The following POLR3G variants were observed in gnomAD, a reference collection of about 807,000 sequenced individuals.
POLR3G encodes RNA polymerase III subunit G.
In POLR3G, 28 loss-of-function variants were observed where a neutral mutation model predicts 30.1. The observed-to-expected ratio is 0.93, with a 90% CI of 0.69 to 1.27. The LOEUF is 1.27. POLR3G is among the 50% of genes most tolerant of loss of function. The probability of loss-of-function intolerance (pLI) is 0.00; values close to 1 mark genes in which losing one functional copy is unlikely to be tolerated. For missense variants in POLR3G, 254 were observed against 264.6 expected (o/e 0.96, Z 0.28); for synonymous variants, 79 against 82.5 (o/e 0.96, Z 0.23).
At chr5:90,493,117 C>T (rs561628890) in intron 3 of POLR3G, among the ~76,000 whole-genome samples, 5 of 152,258 alleles carry the variant, frequency 3.3e-5, no homozygotes, top group African/African-American at 1.2e-4. Flanking sequence ...ATGTGGCAGC[C>T]GATGCACAGA....
intron 1 of POLR3G, among the ~76,000 whole-genome samples, chr5:90,479,906 A>G (rs992755707): frequency 6.6e-6 from 1 of 152,198 alleles, no homozygotes. Flanking sequence ...ACTGTGCTTT[A>G]GGATGAGTAA....
At chr5:90,492,171 G>A (rs1234157970) in intron 3 of POLR3G, among the ~76,000 whole-genome samples, 2 of 152,204 alleles carry the variant, frequency 1.3e-5, no homozygotes, top group East Asian at 1.9e-4. Flanking sequence ...ATCTCAGACT[G>A]TGAGTCTTCA....
chr5:90,497,245 C>A (rs543930407), intron 4 of POLR3G, among the ~76,000 whole-genome samples: 129 of 151,520 alleles, frequency 8.5e-4, no homozygotes, highest in Middle Eastern at 7.0e-3. Flanking sequence ...ATTATGGTAA[C>A]ATCCTTTTGA....
At chr5:90,474,310 C>A (rs771647364), upstream of POLR3G, 2 of 1,609,540 alleles carry the variant, frequency 1.2e-6, no homozygotes, top group East Asian at 4.5e-5. Context: ...AGGGGTGCAG[C>A]CAGGCGGGGT....
intron 1 of POLR3G, among the ~76,000 whole-genome samples, chr5:90,483,143 CAA>C (rs35917267): frequency 6.9e-5 from 7 of 101,622 alleles, no homozygotes; most frequent in Admixed American, 1.1e-4. Context: ...TCCTCCGTCT[CAA>C]AAAAAAAAAA....
At chr5:90,485,933 C>A (rs1322360586) in intron 2 of POLR3G, among the ~76,000 whole-genome samples, 1 of 152,120 alleles carries the variant, frequency 6.6e-6, no homozygotes, top group Non-Finnish European at 1.5e-5. Context: ...GTTTTCAATT[C>A]TTACAACTTG....
chr5:90,473,979 G>C (rs1750635124), upstream of POLR3G: 8 of 1,598,326 alleles, frequency 5.0e-6, no homozygotes, highest in Admixed American at 1.7e-5. Context: ...CAGCGCCTCG[G>C]CCTCGGCGTG....
chr5:90,474,485 C>T (rs1489651258), upstream of POLR3G: 4 of 594,550 alleles, frequency 6.7e-6, no homozygotes, highest in East Asian at 2.9e-5. Context: ...CTGCCCGTAG[C>T]GTGCGCTCCC....
At chr5:90,481,719 AT>A (rs1351530462) in intron 1 of POLR3G, among the ~76,000 whole-genome samples, 1 of 152,186 alleles carries the variant, frequency 6.6e-6, no homozygotes, top group East Asian at 1.9e-4. Flanking sequence ...AATGTCATGT[AT>A]TTTTTATATC....
chr5:90,478,059 T>G (rs1368360702), intron 1 of POLR3G, among the ~76,000 whole-genome samples: 2 of 152,208 alleles, frequency 1.3e-5, no homozygotes, highest in Non-Finnish European at 2.9e-5. Context: ...CCTGCCTCAG[T>G]GTGGACAAGG....
intron 4 of POLR3G, among the ~76,000 whole-genome samples, chr5:90,496,040 C>T (rs956844364): frequency 4.6e-5 from 7 of 151,956 alleles, no homozygotes; most frequent in African/African-American, 4.8e-5. Context: ...GGCACGATAT[C>T]GGCTCATTGC....
At position 90,501,922 on chromosome 5, in the gene POLR3G, A is replaced by G. The variant is rs750310371; in HGVS notation, c.372A>G (p.Lys124=). 2.5e-6 allele frequency: 4 copies of G among 1,613,518 alleles called. No homozygotes were observed. Among genetic ancestry groups the G allele is most frequent in the South Asian group, 2.2e-5 (2 of 91,006 alleles). ...NKCKKAGPKP[K]KAKDAGKGTP... The stretch of plus-strand genomic sequence containing the variant: ...TTACTTCAGCAGGCCCAAAACCCAA[A>G]AAGGCAAAAGACGCAGGCAAAGGCA... Residue 124 remains lysine, a synonymous_variant, in exon 6 of 8, where the codon AAA becomes AAG. Transcript: ENST00000651687.
intron 1 of POLR3G, among the ~76,000 whole-genome samples, chr5:90,476,094 C>T (rs1750801154): frequency 6.6e-6 from 1 of 152,196 alleles, no homozygotes; most frequent in Non-Finnish European, 1.5e-5. Flanking sequence ...TAAAGAGACT[C>T]ATGAGACAGC....
At chr5:90,483,009 G>A (rs1004688877) in intron 1 of POLR3G, among the ~76,000 whole-genome samples, 10 of 151,960 alleles carry the variant, frequency 6.6e-5, no homozygotes, top group African/African-American at 2.2e-4. Flanking sequence ...GCATGGTGGC[G>A]CACGCCTGTA....
chr5:90,493,739 G>T (rs1376270665), intron 3 of POLR3G, among the ~76,000 whole-genome samples: 2 of 82,470 alleles, frequency 2.4e-5, no homozygotes, highest in African/African-American at 4.3e-5. Flanking sequence ...CAAGAGTCTT[G>T]CTCTGTTACC....
At chr5:90,479,165 C>G (rs1750996902) in intron 1 of POLR3G, among the ~76,000 whole-genome samples, 1 of 151,842 alleles carries the variant, frequency 6.6e-6, no homozygotes, top group Non-Finnish European at 1.5e-5. Flanking sequence ...GGATAAAATC[C>G]CTGCTTAACA....
intron 2 of POLR3G, among the ~76,000 whole-genome samples, chr5:90,486,607 T>C (rs1449505096): frequency 6.6e-6 from 1 of 152,166 alleles, no homozygotes; most frequent in African/African-American, 2.4e-5. Context: ...CCATCTCTTC[T>C]CTTTGCATGG....
At chr5:90,504,298 C>T (rs891168030) in intron 6 of POLR3G, among the ~76,000 whole-genome samples, 1 of 151,992 alleles carries the variant, frequency 6.6e-6, no homozygotes, top group African/African-American at 2.4e-5. Context: ...CCGTGGCTCA[C>T]GCCTGTAATC....
intron 3 of POLR3G, among the ~76,000 whole-genome samples, chr5:90,492,809 G>A (rs1751791969): frequency 7.5e-6 from 1 of 133,388 alleles, no homozygotes. Flanking sequence ...GTCAACCTGG[G>A]AGTGAGCCGA....
Sources: allele counts gnomAD v4.1 joint callset (sites outside exome capture counted in the v4.1 genomes callset), GRCh38; gene constraint gnomAD v4.1.1; transcripts MANE v1.5; gene names NCBI Gene and HGNC (gene_info 2026-07-23, HGNC 2026-07-21).